GKAP1: variants seen among roughly 807,000 people sequenced by gnomAD.
The protein encoded by GKAP1 is G kinase anchoring protein 1.
Under a neutral mutation model 56.7 loss-of-function variants are expected in GKAP1, and 31 were observed. That is an observed-to-expected ratio of 0.55 (90% CI 0.41 to 0.74). GKAP1 has a LOEUF of 0.74. Ranked by LOEUF, GKAP1 falls within the 30% of genes least tolerant of loss-of-function variation. The probability of loss-of-function intolerance (pLI) is 0.00; values close to 1 mark genes in which losing one functional copy is unlikely to be tolerated. For synonymous variants in GKAP1, 151 were observed against 138.6 expected, an observed-to-expected ratio of 1.09 and a Z score of -0.63; for missense variants, 364 against 402.3, an observed-to-expected ratio of 0.90 and a Z score of 0.82.
chr9:83,797,486 T>C (rs913782531), intron 4 of GKAP1, among the ~76,000 whole-genome samples: 1 of 152,202 alleles, frequency 6.6e-6, no homozygotes, highest in African/African-American at 2.4e-5. Flanking sequence ...CCCTTATCTC[T>C]TCCTCACCTC....
chr9:83,776,579 C>G (rs952293418), intron 7 of GKAP1, among the ~76,000 whole-genome samples: 6 of 152,014 alleles, frequency 3.9e-5, no homozygotes, highest in Non-Finnish European at 8.8e-5. Flanking sequence ...TCTGTAGACC[C>G]CAGCTACTCG....
chr9:83,765,806 T>A (rs1392592425), intron 8 of GKAP1, among the ~76,000 whole-genome samples: 1 of 152,246 alleles, frequency 6.6e-6, no homozygotes, highest in Non-Finnish European at 1.5e-5. Flanking sequence ...ACTCCCATTG[T>A]ATCTAGGAAG....
intron 10 of GKAP1, among the ~76,000 whole-genome samples, chr9:83,746,575 C>A (rs955074185): frequency 6.6e-6 from 1 of 151,988 alleles, no homozygotes; most frequent in Non-Finnish European, 1.5e-5. Context: ...TGGTAGCAGG[C>A]GCCTGTAGTC....
rs1233393705 is a variant in GKAP1, at chr9:83,768,874, CTCT to C, written c.679_681del (p.Arg227del). On this transcript the variant is annotated inframe_deletion, in exon 8 of 13. Transcript: ENST00000376371. Reference sequence around the variant, plus strand: ...GTTCCATTATATTCTGTAAGCTGTTCTCTTCGTTTTTCTCTAATAAGAATTTTA... The same window carrying C: ...GTTCCATTATATTCTGTAAGCTGTTCTCGTTTTTCTCTAATAAGAATTTTA... 2 of 1,612,406 alleles carry C rather than the reference CTCT, an allele frequency of 1.2e-6. No homozygotes were observed. Among genetic ancestry groups the C allele is most frequent in the South Asian group, 2.2e-5 (2 of 91,032 alleles).
At chr9:83,803,611 A>C (rs913357798) in intron 3 of GKAP1, among the ~76,000 whole-genome samples, 1 of 152,108 alleles carries the variant, frequency 6.6e-6, no homozygotes, top group African/African-American at 2.4e-5. Flanking sequence ...TACAACCTCC[A>C]TCTCCCAGCC....
chr9:83,763,007 G>A (rs1228247465), intron 8 of GKAP1, among the ~76,000 whole-genome samples: 1 of 152,132 alleles, frequency 6.6e-6, no homozygotes, highest in Non-Finnish European at 1.5e-5. Flanking sequence ...TCACAGCACT[G>A]TTTCTAACAG....
intron 8 of GKAP1, among the ~76,000 whole-genome samples, chr9:83,761,191 C>T (rs1037031678): frequency 5.4e-5 from 8 of 148,032 alleles, no homozygotes; most frequent in African/African-American, 2.0e-4. Context: ...AAACCTTTAA[C>T]CACATCAAGA....
intron 9 of GKAP1, among the ~76,000 whole-genome samples, chr9:83,749,769 TTGA>T (rs36004002): frequency 0.55 from 82,805 of 151,678 alleles, 23,500 homozygotes; most frequent in Admixed American, 0.69. Context: ...CATTAAATTG[TTGA>T]TGATAAGTAA....
At chr9:83,787,623 T>A (rs980887751) in intron 5 of GKAP1, among the ~76,000 whole-genome samples, 6 of 152,198 alleles carry the variant, frequency 3.9e-5, no homozygotes, top group Non-Finnish European at 7.3e-5. Flanking sequence ...CACTGAGTAA[T>A]CACAGCTTGA....
chr9:83,746,838 T>C (rs1231397422), intron 10 of GKAP1, among the ~76,000 whole-genome samples: 2 of 152,264 alleles, frequency 1.3e-5, no homozygotes, highest in Non-Finnish European at 2.9e-5. Context: ...TCTGCACATG[T>C]ACAATTTCAA....
intron 2 of GKAP1, among the ~76,000 whole-genome samples, chr9:83,814,640 T>C (rs2483194): frequency 3.3e-5 from 5 of 152,214 alleles, no homozygotes; most frequent in East Asian, 3.8e-4. Flanking sequence ...TTATTGAACT[T>C]AGTGTTTTCT....
intron 2 of GKAP1, among the ~76,000 whole-genome samples, chr9:83,809,001 C>CA (rs1944473748): frequency 6.6e-6 from 1 of 152,220 alleles, no homozygotes; most frequent in African/African-American, 2.4e-5. Context: ...CTGTGGTGGA[C>CA]ATGGTAGCTT....
At chr9:83,770,790 C>A (rs1322709777) in intron 7 of GKAP1, among the ~76,000 whole-genome samples, 1 of 152,144 alleles carries the variant, frequency 6.6e-6, no homozygotes, top group Non-Finnish European at 1.5e-5. Flanking sequence ...GAACTCCTGA[C>A]CTCAGGTGAT....
intron 10 of GKAP1, among the ~76,000 whole-genome samples, chr9:83,742,884 T>C (rs969895272): frequency 6.6e-6 from 1 of 152,214 alleles, no homozygotes; most frequent in African/African-American, 2.4e-5. Context: ...TTGCTGGGCA[T>C]GGTGGCTCAC....
At chr9:83,761,640 T>C (rs1238806863) in intron 8 of GKAP1, among the ~76,000 whole-genome samples, 1 of 152,226 alleles carries the variant, frequency 6.6e-6, no homozygotes, top group East Asian at 1.9e-4. Context: ...ATATCTCTGA[T>C]GAATATTGAT....
At chr9:83,812,218 T>TAC (rs200000633) in intron 2 of GKAP1, among the ~76,000 whole-genome samples, 5 of 148,020 alleles carry the variant, frequency 3.4e-5, no homozygotes, top group Middle Eastern at 3.6e-3. Flanking sequence ...CATACATACA[T>TAC]ACACACACAC....
chr9:83,806,220 T>C, intron 3 of GKAP1, 82 bp downstream of exon 3: 1 of 850,582 alleles, frequency 1.2e-6, no homozygotes, highest in Non-Finnish European at 1.9e-6. Flanking sequence ...GTACTATGGA[T>C]ACACAGGGGA....
intron 4 of GKAP1, among the ~76,000 whole-genome samples, chr9:83,796,234 T>C (rs1486343757): frequency 1.3e-5 from 2 of 151,650 alleles, no homozygotes; most frequent in Non-Finnish European, 2.9e-5. Context: ...ACTCGGCCTA[T>C]CAACATAATC....
intron 2 of GKAP1, among the ~76,000 whole-genome samples, chr9:83,811,797 CA>C (rs1944508934): frequency 6.6e-6 from 1 of 151,392 alleles, no homozygotes; most frequent in Non-Finnish European, 1.5e-5. Flanking sequence ...ATATTAAAGA[CA>C]AAAAATAGCA....
Sources: allele counts gnomAD v4.1 joint callset (sites outside exome capture counted in the v4.1 genomes callset), GRCh38; gene constraint gnomAD v4.1.1; transcripts MANE v1.5; gene names NCBI Gene and HGNC (gene_info 2026-07-23, HGNC 2026-07-21).